The following KCNT2 variants were observed in gnomAD, a reference collection of about 807,000 sequenced individuals.
KCNT2 encodes the protein potassium channel subfamily T member 2.
A neutral mutation model predicts 153.8 loss-of-function variants in KCNT2; 67 were observed. The observed-to-expected ratio is 0.44, with a 90% CI of 0.36 to 0.53. KCNT2 has a LOEUF of 0.53. Ranked by LOEUF, KCNT2 falls within the 20% of genes least tolerant of loss-of-function variation. KCNT2 has a pLI of 0.00. For missense variants in KCNT2, 975 were observed against 1,354.8 expected, an observed-to-expected ratio of 0.72 and a Z score of 4.40; for synonymous variants, 500 against 458.8, an observed-to-expected ratio of 1.09 and a Z score of -1.15.
At chr1:196,327,056 A>G (rs1047197245) in intron 18 of KCNT2, among the ~76,000 whole-genome samples, 167 bp from the exon 19 acceptor site, 2 of 152,158 alleles carry the variant, frequency 1.3e-5, no homozygotes, top group Non-Finnish European at 2.9e-5. Flanking sequence ...TGCAACCTGC[A>G]GTAAGAAATA....
intron 14 of KCNT2, among the ~76,000 whole-genome samples, chr1:196,357,624 T>C (rs1438953669): frequency 1.3e-5 from 2 of 151,792 alleles, no homozygotes; most frequent in South Asian, 2.1e-4. Flanking sequence ...GTTTTGGAAT[T>C]GAGCTAAGGG....
intron 5 of KCNT2, among the ~76,000 whole-genome samples, chr1:196,477,385 A>T (rs1678628931): frequency 6.6e-6 from 1 of 152,130 alleles, no homozygotes; most frequent in Non-Finnish European, 1.5e-5. Context: ...AAGGAGTTTG[A>T]GATCAGCCTG....
intron 1 of KCNT2, among the ~76,000 whole-genome samples, chr1:196,572,873 CACTT>C (rs1485737929): frequency 2.0e-5 from 3 of 152,048 alleles, no homozygotes; most frequent in Admixed American, 2.0e-4. Flanking sequence ...TGCATGATGA[CACTT>C]ACCTGCTTCT....
chr1:196,465,911 T>C (rs1677572446), intron 7 of KCNT2, among the ~76,000 whole-genome samples: 1 of 152,000 alleles, frequency 6.6e-6, no homozygotes, highest in African/African-American at 2.4e-5. Context: ...AAAGATATTA[T>C]GGCAATGAGC....
chr1:196,284,781 C>T (rs1212777084), intron 23 of KCNT2, among the ~76,000 whole-genome samples: 1 of 152,116 alleles, frequency 6.6e-6, no homozygotes, highest in Non-Finnish European at 1.5e-5. Context: ...CCTGACGTTG[C>T]TAGAGGCATA....
chr1:196,512,681 A>G (rs1681732369), intron 1 of KCNT2, among the ~76,000 whole-genome samples: 2 of 152,196 alleles, frequency 1.3e-5, no homozygotes, highest in African/African-American at 2.4e-5. Flanking sequence ...ATAGTGACCT[A>G]AGATATTTAA....
intron 1 of KCNT2, among the ~76,000 whole-genome samples, chr1:196,523,866 C>T (rs1407218807): frequency 6.6e-6 from 1 of 152,074 alleles, no homozygotes; most frequent in African/African-American, 2.4e-5. Context: ...TTTTCCTTAC[C>T]TACTTTGTTT....
At chr1:196,586,747 T>C (rs981140777) in intron 1 of KCNT2, among the ~76,000 whole-genome samples, 1 of 152,006 alleles carries the variant, frequency 6.6e-6, no homozygotes, top group Non-Finnish European at 1.5e-5. Flanking sequence ...CTGTAAGTAG[T>C]ACAATTTACA....
chr1:196,420,038 C>A (rs564534702), intron 12 of KCNT2, among the ~76,000 whole-genome samples: 14 of 152,046 alleles, frequency 9.2e-5, no homozygotes, highest in Admixed American at 3.3e-4. Flanking sequence ...TCTCTAACTA[C>A]CATAATTTTC....
intron 14 of KCNT2, among the ~76,000 whole-genome samples, chr1:196,358,604 A>G (rs1667368143): frequency 6.6e-6 from 1 of 151,866 alleles, no homozygotes; most frequent in Non-Finnish European, 1.5e-5. Flanking sequence ...TCTCTTTTTA[A>G]TGTACTTTGT....
At chr1:196,507,171 C>T (rs1558020835) in intron 1 of KCNT2, among the ~76,000 whole-genome samples, 2 of 151,860 alleles carry the variant, frequency 1.3e-5, no homozygotes, top group Non-Finnish European at 1.5e-5. Flanking sequence ...TTAAATAAGC[C>T]TCTTTGATGA....
At chr1:196,463,903 G>A (rs1418084198) in intron 8 of KCNT2, among the ~76,000 whole-genome samples, 1 of 151,680 alleles carries the variant, frequency 6.6e-6, no homozygotes, top group Non-Finnish European at 1.5e-5. Context: ...ACTGCTAAAT[G>A]TCATCATGTA....
intron 18 of KCNT2, among the ~76,000 whole-genome samples, chr1:196,327,637 G>A (rs774581657): frequency 1.1e-4 from 16 of 149,360 alleles, no homozygotes; most frequent in Non-Finnish European, 1.8e-4. Flanking sequence ...TTAGTTGTCT[G>A]GAACATTTAT....
At chr1:196,480,010 T>C (rs1450420244) in intron 4 of KCNT2, among the ~76,000 whole-genome samples, 2 of 152,218 alleles carry the variant, frequency 1.3e-5, no homozygotes, top group East Asian at 1.9e-4. Flanking sequence ...GATAGAAGTG[T>C]TAGTACTATC....
chr1:196,309,405 A>T (rs1410460012), intron 21 of KCNT2, among the ~76,000 whole-genome samples: 2 of 151,972 alleles, frequency 1.3e-5, no homozygotes, highest in African/African-American at 4.8e-5. Context: ...TTGGGGTCTT[A>T]ATAAAAGTGA....
intron 1 of KCNT2, among the ~76,000 whole-genome samples, chr1:196,518,919 A>T (rs1472873021): frequency 6.6e-6 from 1 of 152,166 alleles, no homozygotes; most frequent in South Asian, 2.1e-4. Context: ...CAGGACCTGA[A>T]CTCAACATTG....
chr1:196,550,167 A>G (rs1212910149), intron 1 of KCNT2, among the ~76,000 whole-genome samples: 1 of 151,846 alleles, frequency 6.6e-6, no homozygotes, highest in Non-Finnish European at 1.5e-5. Flanking sequence ...CTCCAATTCA[A>G]TCCCACTCCC....
At chr1:196,437,660 G>C (rs182089237) in intron 8 of KCNT2, among the ~76,000 whole-genome samples, 97 of 150,432 alleles carry the variant, frequency 6.4e-4, no homozygotes, top group Non-Finnish European at 1.1e-3. Context: ...TATCTTTTTA[G>C]TATAATTTCT....
intron 9 of KCNT2, among the ~76,000 whole-genome samples, chr1:196,428,940 T>C (rs550616232): frequency 3.0e-4 from 45 of 151,970 alleles, no homozygotes; most frequent in African/African-American, 1.0e-3. Flanking sequence ...CATTTATATA[T>C]CCATCCCTTT....
Sources: gnomAD v4.1 joint callset for allele counts (sites outside exome capture counted in the v4.1 genomes callset) on GRCh38, gnomAD v4.1.1 for gene constraint, MANE v1.5 for transcripts, NCBI Gene and HGNC (gene_info 2026-07-23, HGNC 2026-07-21) for gene names.